DAB2: variants seen among roughly 807,000 people sequenced by gnomAD.
DAB2 encodes DAB adaptor protein 2.
Under a neutral mutation model 71.6 loss-of-function variants are expected in DAB2, and 28 were observed. The observed-to-expected ratio is 0.39, with a 90% CI of 0.29 to 0.54. The LOEUF (loss-of-function observed/expected upper bound fraction) is 0.54, where lower values mean the gene tolerates loss of function less well. Among genes scored for constraint, DAB2 ranks in the 20% least tolerant of loss-of-function variants. DAB2 has a pLI of 0.68. For synonymous variants in DAB2, 345 were observed against 339.7 expected, an observed-to-expected ratio of 1.02 and a Z score of -0.17; for missense variants, 867 against 928.8, an observed-to-expected ratio of 0.93 and a Z score of 0.86.
intron 1 of DAB2, among the ~76,000 whole-genome samples, chr5:39,412,966 A>C (rs1158036118): frequency 1.3e-5 from 2 of 152,154 alleles, no homozygotes; most frequent in Non-Finnish European, 2.9e-5. Context: ...GCTTGGCTAT[A>C]ATATAGGGCC....
intron 9 of DAB2, among the ~76,000 whole-genome samples, chr5:39,387,278 C>G (rs1052558647): frequency 3.3e-5 from 5 of 152,114 alleles, no homozygotes; most frequent in Non-Finnish European, 7.4e-5. Context: ...TGATAATTTC[C>G]TGATACAAGA....
At chr5:39,395,496 T>A (rs1326147263) in intron 1 of DAB2, among the ~76,000 whole-genome samples, 1 of 152,222 alleles carries the variant, frequency 6.6e-6, no homozygotes, top group African/African-American at 2.4e-5. Flanking sequence ...AAAGAATATC[T>A]AAATAAAAAG....
At position 39,375,802 on chromosome 5, in the gene DAB2, T is replaced by G. The variant is rs111626337; in HGVS notation, c.2247+195A>C. ...TCAGGAGGCTGAGGCAGGAGAATCCTTTGAACTCAGGAAGTGGAGGTTGCA... is the reference window on the plus strand; with the variant it reads ...TCAGGAGGCTGAGGCAGGAGAATCCGTTGAACTCAGGAAGTGGAGGTTGCA... On this transcript the variant is annotated intron_variant, in intron 13 of 14. Transcript: ENST00000320816. Among the ~76,000 whole-genome samples, 803 of 152,188 alleles carry G rather than the reference T, an allele frequency of 5.3e-3. 6 individuals carry two copies. Among genetic ancestry groups the G allele is most frequent in the African/African-American group, 0.018 (751 of 41,518 alleles).
intron 4 of DAB2, among the ~76,000 whole-genome samples, chr5:39,390,797 TA>T (rs1324015757): frequency 2.0e-5 from 3 of 152,166 alleles, no homozygotes; most frequent in Non-Finnish European, 4.4e-5. Context: ...TGTTCCTTCT[TA>T]AAATATTGAT....
In DAB2 at chr5:39,378,287, C is replaced by T. The variant is rs919407783; in HGVS notation, c.1505-1005G>A. Among the ~76,000 whole-genome samples, 70 of 152,316 alleles carry T rather than the reference C, an allele frequency of 4.6e-4. 2 individuals carry two copies. The highest frequency in any genetic ancestry group is 1.6e-3 in the African/African-American group (68 of 41,582). On this transcript the variant is annotated intron_variant, in intron 11 of 14. Transcript: ENST00000320816. ...ATATACAGGGCACTGTCTTTCCTGCCTCTTTCCAAGTGCATTAATGATTCA... is the reference window on the plus strand; with the variant it reads ...ATATACAGGGCACTGTCTTTCCTGCTTCTTTCCAAGTGCATTAATGATTCA...
chr5:39,387,512 G>A (rs1419938524), intron 9 of DAB2, among the ~76,000 whole-genome samples: 3 of 152,108 alleles, frequency 2.0e-5, no homozygotes, highest in African/African-American at 7.2e-5. Flanking sequence ...TGTCATTGAT[G>A]TTGTGCATCT....
In DAB2 at chr5:39,388,817, T is replaced by C. The variant is rs1229351086; in HGVS notation, c.606A>G (p.Gln202=). ...GSEALMILDD[Q]TNKLKSGVDQ... is the part of the protein sequence containing the mutation. ...TACATACCGATTTCAGTTTGTTAGT[T>C]TGGTCATCTAGAATCATTAGGGCCT... Residue 202 remains glutamine, a synonymous_variant, in exon 8 of 15, where the codon CAA becomes CAG. Coordinates refer to ENST00000320816, the MANE Select transcript of DAB2 (RefSeq NM_001343.4). 1 of 1,613,462 alleles carries C rather than the reference T, an allele frequency of 6.2e-7. No individual in the cohort carries two copies. The highest frequency in any genetic ancestry group is 8.5e-7 in the Non-Finnish European group (1 of 1,179,480).
At chr5:39,420,391 C>T (rs529369931) in intron 1 of DAB2, among the ~76,000 whole-genome samples, 1 of 152,308 alleles carries the variant, frequency 6.6e-6, no homozygotes, top group Non-Finnish European at 1.5e-5. Flanking sequence ...AAAGGTGCTT[C>T]AAATCCAGCA....
At position 39,389,772 on chromosome 5, in the gene DAB2, G is replaced by A. The variant is rs577791732; in HGVS notation, c.543+80C>T. 282 of 777,722 alleles carry A rather than the reference G, an allele frequency of 3.6e-4. 7 individuals are homozygous for A. In the South Asian group the frequency reaches 4.5e-3, roughly 13 times the overall value. The allele number at this position is 777,722 out of a possible 1,614,324, so 48.2% of individuals were successfully genotyped here. Reference sequence around the variant, plus strand: ...GGTGATCCACCCACCTCTGCCTCCCGAAGTGCTGGGATTATAGGTGTGAGC... The same window carrying A: ...GGTGATCCACCCACCTCTGCCTCCCAAAGTGCTGGGATTATAGGTGTGAGC... On this transcript the variant is annotated intron_variant, in intron 6 of 14. Transcript: ENST00000320816.
In DAB2 at chr5:39,377,091, G is replaced by A. The variant is rs754700560; in HGVS notation, c.1696C>T (p.Pro566Ser). 1.9e-6 allele frequency: 3 copies of A among 1,614,180 alleles called. No homozygotes were observed. The highest frequency in any genetic ancestry group is 8.5e-7 in the Non-Finnish European group (1 of 1,180,026). Residue 566 changes from proline (P) to serine (S), a missense_variant, in exon 12 of 15, where the codon CCC (proline) becomes TCC (serine). Around this residue, in one of 2 missense-constraint regions of DAB2, gnomAD observed 740 missense variants for 734.3 expected, o/e 1.01. Coordinates refer to ENST00000320816, the MANE Select transcript of DAB2 (RefSeq NM_001343.4). ...CCCCAGACAACAGGCACTGGAGGGG[G>A]AGTTGAGGCTGCAAAGGGTGAAGGC... Reference protein sequence around the residue: ...NQPSPFAASTPPPVPVVWGPS... With the variant: ...NQPSPFAASTSPPVPVVWGPS...
chr5:39,373,777 C>T (rs1754755356), intron 14 of DAB2, among the ~76,000 whole-genome samples: 1 of 152,104 alleles, frequency 6.6e-6, no homozygotes, highest in Non-Finnish European at 1.5e-5. Context: ...GTAGTTTACT[C>T]CTTCTATTGG....
chr5:39,419,762 G>C (rs1025470482), intron 1 of DAB2, among the ~76,000 whole-genome samples: 4 of 152,192 alleles, frequency 2.6e-5, no homozygotes, highest in Non-Finnish European at 4.4e-5. Flanking sequence ...GAGGGGAAAA[G>C]ATTTGGAAGT....
chr5:39,388,207 T>C, intron 9 of DAB2, 98 bp downstream of exon 9: 1 of 863,542 alleles, frequency 1.2e-6, no homozygotes, highest in South Asian at 1.6e-5. Flanking sequence ...AACAGTCACC[T>C]TCCAAGTTTC....
chr5:39,419,941 T>A (rs1263939328), intron 1 of DAB2, among the ~76,000 whole-genome samples: 1 of 152,222 alleles, frequency 6.6e-6, no homozygotes, highest in Non-Finnish European at 1.5e-5. Context: ...TCTCCATGAC[T>A]GAAGGAATTC....
chr5:39,403,716 A>ATT (rs60449035), intron 1 of DAB2, among the ~76,000 whole-genome samples: 23,423 of 135,204 alleles, frequency 0.17, 2,513 homozygotes, highest in Non-Finnish European at 0.25. Context: ...TTTTTTTGGA[A>ATT]TTTTTTTTTT....
intron 1 of DAB2, among the ~76,000 whole-genome samples, chr5:39,419,110 A>C (rs1240793381): frequency 1.3e-5 from 2 of 152,190 alleles, no homozygotes; most frequent in Non-Finnish European, 2.9e-5. Context: ...TCTCTGTTTG[A>C]CATCAGGCAT....
At chr5:39,410,840 T>C (rs1755710754) in intron 1 of DAB2, among the ~76,000 whole-genome samples, 1 of 152,124 alleles carries the variant, frequency 6.6e-6, no homozygotes, top group Non-Finnish European at 1.5e-5. Flanking sequence ...TGTTTTCTAG[T>C]TTGCAGAGTA....
Position 39,383,112 on chromosome 5 carries a change from T to A in DAB2, c.847A>T (p.Asn283Tyr). Residue 283 changes from asparagine to tyrosine, a missense_variant, in exon 10 of 15, where the codon AAT (asparagine) becomes TAT (tyrosine). By Grantham distance (143) the Asn-to-Tyr change is moderately radical. Transcript: ENST00000320816. Reference protein sequence around the residue: ...SFLPENAFSANLNFFPTPNPD... With the variant: ...SFLPENAFSAYLNFFPTPNPD... ...TTAGGGGTGGGAAAGAAGTTGAGAT[T>A]GGCAGAAAAGGCATTTTCAGGCAAG... 6.2e-7 allele frequency: 1 copy of A among 1,614,148 alleles called. No individual in the cohort carries two copies. The highest frequency in any genetic ancestry group is 8.5e-7 in the Non-Finnish European group (1 of 1,180,026).
At chr5:39,393,175 G>A (rs1225498382) in intron 3 of DAB2, 79 bp downstream of exon 3, 12 of 1,437,506 alleles carry the variant, frequency 8.3e-6, no homozygotes, top group Non-Finnish European at 1.1e-5. Flanking sequence ...TGAACAATAG[G>A]TCAACAAGAG....
Sources: gnomAD v4.1 joint callset for allele counts (sites outside exome capture counted in the v4.1 genomes callset) on GRCh38, gnomAD v4.1.1 for gene constraint, gnomAD v4.1.1 regional missense constraint, MANE v1.5 for transcripts, NCBI Gene and HGNC (gene_info 2026-07-23, HGNC 2026-07-21) for gene names.